TACC2: variants seen among roughly 807,000 people sequenced by gnomAD.
The protein encoded by TACC2 is transforming acidic coiled-coil-containing protein 2.
TACC2 carries 137 observed loss-of-function variants against 227.3 expected under a neutral mutation model. The observed-to-expected ratio is 0.60, with a 90% CI of 0.52 to 0.69. The LOEUF (loss-of-function observed/expected upper bound fraction) is 0.69, where lower values mean the gene tolerates loss of function less well. Ranked by LOEUF, TACC2 falls within the 30% of genes least tolerant of loss-of-function variation. The pLI is 0.00. For missense variants in TACC2, 3,470 were observed against 3,694.4 expected, an observed-to-expected ratio of 0.94 and a Z score of 1.57; for synonymous variants, 1,523 against 1,487.5, an observed-to-expected ratio of 1.02 and a Z score of -0.55.
At chr10:122,145,183 C>T (rs1267104329) in intron 7 of TACC2, among the ~76,000 whole-genome samples, 1 of 152,144 alleles carries the variant, frequency 6.6e-6, no homozygotes, top group Non-Finnish European at 1.5e-5. Context: ...TAGATATTTA[C>T]CTATGAACGA....
intron 1 of TACC2, among the ~76,000 whole-genome samples, chr10:122,005,217 G>A (rs892818658): frequency 4.0e-5 from 6 of 151,722 alleles, no homozygotes; most frequent in Non-Finnish European, 7.4e-5. Flanking sequence ...GAGTAAGTGG[G>A]ATTACAGGCA....
At chr10:122,197,794 T>G (rs1413142025) in intron 8 of TACC2, among the ~76,000 whole-genome samples, 1 of 152,226 alleles carries the variant, frequency 6.6e-6, no homozygotes, top group Non-Finnish European at 1.5e-5. Context: ...TAGCTTGGGC[T>G]GTACAAAGAT....
intron 2 of TACC2, among the ~76,000 whole-genome samples, chr10:122,035,356 C>T (rs765162955): frequency 3.9e-5 from 6 of 152,194 alleles, no homozygotes; most frequent in Non-Finnish European, 7.3e-5. Context: ...CTGGAACTTA[C>T]AGCCAATTGA....
chr10:122,006,956 G>A (rs1457735483), intron 1 of TACC2, among the ~76,000 whole-genome samples: 4 of 151,038 alleles, frequency 2.6e-5, no homozygotes, highest in Admixed American at 2.0e-4. Context: ...CTGCCTCCCG[G>A]GTTCCAGTGA....
At chr10:122,204,553 G>C (rs991230109) in intron 8 of TACC2, among the ~76,000 whole-genome samples, 4 of 152,312 alleles carry the variant, frequency 2.6e-5, no homozygotes, top group African/African-American at 9.6e-5. Flanking sequence ...AGGGACATGT[G>C]GGCCGGGTAC....
intron 5 of TACC2, among the ~76,000 whole-genome samples, chr10:122,131,016 TA>T (rs147716465): frequency 0.011 from 1,685 of 151,548 alleles, 39 homozygotes; most frequent in African/African-American, 0.037. Context: ...AATAAACATT[TA>T]AAAAAAATGT....
chr10:121,994,470 C>G (rs1953187369), intron 1 of TACC2, among the ~76,000 whole-genome samples: 1 of 152,176 alleles, frequency 6.6e-6, no homozygotes. Context: ...TTATTACCCT[C>G]TCCCTCTGGG....
At chr10:122,163,669 ACGCCGGCCACACTCGGGCGCG>A (rs1438044752) in intron 7 of TACC2, 65 of 1,040,864 alleles carry the variant, frequency 6.2e-5, no homozygotes, top group Middle Eastern at 4.4e-4. Context: ...AGAGCCGCGC[ACGCCGGCCACACTCGGGCGCG>A]CGCCGGCCAC....
In TACC2 at chr10:122,249,577, G is replaced by A. The variant is rs567661733; in HGVS notation, c.8694G>A (p.Lys2898=). The change falls in exon 22 of 23, where the codon AAG becomes AAA. Residue 2898 remains lysine, a synonymous_variant. Coordinates refer to ENST00000369005, the MANE Select transcript of TACC2 (RefSeq NM_206862.4). ...ANAEIAQVRG[K]AQQEQAAHQA... is the part of the protein sequence containing the mutation. ...CTGAGATTGCTCAGGTTCGAGGCAAGGCCCAGCAGGAGCAAGCCGCCCACC... is the reference window on the plus strand; with the variant it reads ...CTGAGATTGCTCAGGTTCGAGGCAAAGCCCAGCAGGAGCAAGCCGCCCACC... The A allele has an allele frequency of 6.2e-6, 10 of 1,614,156 alleles. No individual in the cohort carries two copies. The African/African-American group carries it at 6.7e-5, about 11-fold the overall frequency.
At chr10:122,248,950 C>T (rs1303829423) in intron 20 of TACC2, 100 bp from the exon 21 acceptor site, 2 of 1,485,640 alleles carry the variant, frequency 1.3e-6, no homozygotes, top group East Asian at 2.3e-5. Context: ...GACTTGGCCG[C>T]CTGGGGTTAC....
At chr10:122,168,050 CTTTTTTTTT>C (rs57366476) in intron 7 of TACC2, among the ~76,000 whole-genome samples, 1 of 131,740 alleles carries the variant, frequency 7.6e-6, no homozygotes, top group African/African-American at 3.0e-5. Context: ...CCATGCCCAG[CTTTTTTTTT>C]TTTTTTTTTT....
chr10:122,179,313 C>T (rs1028204056), intron 7 of TACC2, among the ~76,000 whole-genome samples: 3 of 152,154 alleles, frequency 2.0e-5, no homozygotes, highest in Non-Finnish European at 4.4e-5. Flanking sequence ...TCTGCCTTGT[C>T]GTATTTAAAC....
At chr10:122,160,357 G>A (rs997602590) in intron 7 of TACC2, among the ~76,000 whole-genome samples, 5 of 152,096 alleles carry the variant, frequency 3.3e-5, no homozygotes, top group African/African-American at 9.7e-5. Flanking sequence ...CATTAGGGTC[G>A]TGCTTAGGAG....
intron 8 of TACC2, among the ~76,000 whole-genome samples, chr10:122,201,524 G>A (rs1026518416): frequency 2.0e-5 from 3 of 152,262 alleles, no homozygotes; most frequent in African/African-American, 4.8e-5. Flanking sequence ...TGGGGAGGAC[G>A]GTGACCTCAT....
At chr10:122,232,770 A>G (rs2095783808) in intron 16 of TACC2, among the ~76,000 whole-genome samples, 2 of 152,138 alleles carry the variant, frequency 1.3e-5, no homozygotes, top group Admixed American at 6.5e-5. Flanking sequence ...TTTTTCATAT[A>G]GAAAGATTGT....
chr10:122,126,452 C>T (rs924162219), intron 5 of TACC2, among the ~76,000 whole-genome samples: 3 of 151,942 alleles, frequency 2.0e-5, no homozygotes, highest in Non-Finnish European at 4.4e-5. Flanking sequence ...CGTGTATGTA[C>T]ACATGCATGT....
At chr10:122,104,783 C>A (rs1235830020) in intron 5 of TACC2, among the ~76,000 whole-genome samples, 1 of 152,220 alleles carries the variant, frequency 6.6e-6, no homozygotes, top group Non-Finnish European at 1.5e-5. Context: ...ATACTCTAAT[C>A]TGAGAAATCC....
Position 122,084,119 on chromosome 10 carries a change from G to A in TACC2, c.1619G>A (p.Ser540Asn), listed in dbSNP as rs756875792. ...APPPPLPKAPSESARGPPGPT... is the reference protein window; with the variant it reads ...APPPPLPKAPNESARGPPGPT... ...CCCCCTCCTCTTCCCAAGGCACCAA[G>A]TGAAAGTGCCAGAGGGCCACCGGGG... The change falls in exon 4 of 23, where the codon AGT (serine) becomes AAT (asparagine). Residue 540 changes from serine (S) to asparagine (N), a missense_variant. Around this residue, in one of 10 missense-constraint regions of TACC2, gnomAD observed 1,924 missense variants for 1,978.3 expected, o/e 0.97. Transcript: ENST00000369005. 2.5e-5 allele frequency: 41 copies of A among 1,613,992 alleles called. No individual in the cohort carries two copies. In the East Asian group the frequency reaches 8.7e-4, roughly 34 times the overall value.
rs193065953 is a variant in TACC2 at position 122,072,842 on chromosome 10, G to A, written c.147-9805G>A. ...ATAAAAATATAAATGAGGGCCGGGC[G>A]TGGCGGCTCACGCGTAATCCCAGCA... On this transcript the variant is annotated intron_variant, in intron 3 of 22. Transcript: ENST00000369005. Among the ~76,000 whole-genome samples the A allele has an allele frequency of 6.2e-4, 94 of 152,208 alleles. No individual in the cohort carries two copies. In the South Asian group the frequency reaches 0.018, roughly 29 times the overall value.
Sources: allele counts gnomAD v4.1 joint callset (sites outside exome capture counted in the v4.1 genomes callset), GRCh38; gene constraint gnomAD v4.1.1; regional missense constraint gnomAD v4.1.1; transcripts MANE v1.5; gene names NCBI Gene and HGNC (gene_info 2026-07-23, HGNC 2026-07-21).